The following LPGAT1 variants were observed in gnomAD, a reference collection of about 807,000 sequenced individuals.
LPGAT1 encodes the protein acyl-CoA:lysophosphatidylglycerol acyltransferase 1.
In LPGAT1, 11 loss-of-function variants were observed where a neutral mutation model predicts 47.5. That is an observed-to-expected ratio of 0.23 (90% CI 0.15 to 0.38). The LOEUF is 0.38. LPGAT1 is among the 10% of genes least tolerant of loss of function. The probability of loss-of-function intolerance (pLI) is 1.00; values close to 1 mark genes in which losing one functional copy is unlikely to be tolerated. For synonymous variants in LPGAT1, 138 were observed against 144.2 expected (o/e 0.96, Z 0.31); for missense variants, 293 against 439.0 (o/e 0.67, Z 2.97).
intron 2 of LPGAT1, among the ~76,000 whole-genome samples, chr1:211,816,475 A>G (rs1220559499): frequency 6.6e-6 from 1 of 152,194 alleles, no homozygotes; most frequent in Non-Finnish European, 1.5e-5. Flanking sequence ...ATTAGTTAAT[A>G]TTTTATTCAG....
In LPGAT1 at chr1:211,813,030, G is replaced by T. The variant is rs968568589; in HGVS notation, c.238+16029C>A. On this transcript the variant is annotated intron_variant, in intron 2 of 7. Transcript: ENST00000366997. ...TTACTTTCATCAGATTCTGAAAGAG[G>T]TTCTAATAAACCTCCAAAGGTAAAA... is the stretch of plus-strand genomic sequence containing the variant. 5.3e-5 allele frequency among the ~76,000 whole-genome samples: 8 copies of T among 152,158 alleles called. 1 individual carries two copies. The highest frequency in any genetic ancestry group is 1.2e-4 in the Non-Finnish European group (8 of 68,026).
At chr1:211,755,766 G>T (rs773733175) in intron 6 of LPGAT1, among the ~76,000 whole-genome samples, 20 of 150,724 alleles carry the variant, frequency 1.3e-4, no homozygotes, top group Admixed American at 5.9e-4. Context: ...AAGGATGAAA[G>T]ATAACCAAAA....
rs1471984512 is a variant in LPGAT1 at position 211,748,218 on chromosome 1, C to A, written c.*1681G>T. The A allele has an allele frequency of 1.3e-5, 2 of 152,602 alleles. No individual in the cohort carries two copies. The highest frequency in any genetic ancestry group is 3.8e-4 in the East Asian group (2 of 5,198). The allele number at this position is 152,602 out of a possible 1,614,324, so 9.5% of individuals were successfully genotyped here. A position where few individuals can be genotyped will look rare whatever the true frequency, so the allele number is the denominator to read the frequency against. ...ATCACAGTAAACTACCACTGACTTA[C>A]TAGGATCTTAATAGTCTTACAATCC... On this transcript the variant is annotated 3_prime_UTR_variant, in exon 8 of 8. Transcript: ENST00000366997.
At chr1:211,750,716 C>G (rs906431111) in intron 7 of LPGAT1, among the ~76,000 whole-genome samples, 1 of 152,110 alleles carries the variant, frequency 6.6e-6, no homozygotes, top group South Asian at 2.1e-4. Context: ...GAAAGGAATG[C>G]TAGATAACTT....
chr1:211,801,936 A>T (rs868546495), intron 2 of LPGAT1, among the ~76,000 whole-genome samples: 13 of 151,638 alleles, frequency 8.6e-5, no homozygotes, highest in East Asian at 7.8e-4. Context: ...ATTTTTTTTT[A>T]AATTAGCCAG....
intron 2 of LPGAT1, among the ~76,000 whole-genome samples, chr1:211,822,424 T>A (rs570483535): frequency 1.3e-5 from 2 of 152,304 alleles, no homozygotes; most frequent in East Asian, 3.9e-4. Flanking sequence ...CCTTTCATGA[T>A]ATATTTTCCA....
chr1:211,814,000 A>G (rs1458121682), intron 2 of LPGAT1, among the ~76,000 whole-genome samples: 1 of 152,270 alleles, frequency 6.6e-6, no homozygotes, highest in Non-Finnish European at 1.5e-5. Flanking sequence ...TTTAAGGTCA[A>G]AAAATGTGTC....
chr1:211,818,031 C>A (rs1169242341), intron 2 of LPGAT1, among the ~76,000 whole-genome samples: 1 of 152,020 alleles, frequency 6.6e-6, no homozygotes, highest in Non-Finnish European at 1.5e-5. Flanking sequence ...GACGGGTTTT[C>A]ACCATGTTGG....
chr1:211,757,965 C>T (rs954785833), intron 6 of LPGAT1, among the ~76,000 whole-genome samples: 3 of 152,132 alleles, frequency 2.0e-5, no homozygotes, highest in Admixed American at 6.5e-5. Context: ...ACTTCGCTTG[C>T]AGTATATATG....
chr1:211,819,429 G>C (rs1660288405), intron 2 of LPGAT1, among the ~76,000 whole-genome samples: 1 of 152,218 alleles, frequency 6.6e-6, no homozygotes, highest in African/African-American at 2.4e-5. Context: ...GAAGTTTCAG[G>C]CTGTAGTGAG....
intron 2 of LPGAT1, among the ~76,000 whole-genome samples, 151 bp downstream of exon 2, chr1:211,828,906 TTC>T (rs1660628001): frequency 6.6e-6 from 1 of 152,218 alleles, no homozygotes; most frequent in Admixed American, 6.5e-5. Flanking sequence ...CTTCCTGAGA[TTC>T]TGAAGAGAAA....
At chr1:211,801,555 A>T (rs1222078209) in intron 2 of LPGAT1, among the ~76,000 whole-genome samples, 4 of 152,034 alleles carry the variant, frequency 2.6e-5, no homozygotes, top group South Asian at 2.1e-4. Flanking sequence ...TACAAAAAAA[A>T]TTTTTAAAAG....
chr1:211,811,894 G>GTTAT (rs1421591567), intron 2 of LPGAT1, among the ~76,000 whole-genome samples: 1 of 152,216 alleles, frequency 6.6e-6, no homozygotes, highest in Non-Finnish European at 1.5e-5. Context: ...TATCCTGGAG[G>GTTAT]ATAAGAGCAT....
At chr1:211,788,214 T>G (rs561704102) in intron 3 of LPGAT1, among the ~76,000 whole-genome samples, 1 of 152,330 alleles carries the variant, frequency 6.6e-6, no homozygotes, top group African/African-American at 2.4e-5. Context: ...ATTAATAGAA[T>G]GATTTACATA....
intron 2 of LPGAT1, among the ~76,000 whole-genome samples, chr1:211,822,732 C>T (rs1006753606): frequency 1.3e-5 from 2 of 150,938 alleles, no homozygotes. Flanking sequence ...GGGCCAAGAT[C>T]GTGCCATTGC....
At chr1:211,829,436 TCCGGGTGTAGTA>T in intron 1 of LPGAT1, 113 bp from the exon 2 acceptor site, 7 of 1,482,112 alleles carry the variant, frequency 4.7e-6, no homozygotes, top group Non-Finnish European at 6.2e-6. Context: ...GTCGAAGCTT[TCCGGGTGTAGTA>T]CCTCGGTGAT....
chr1:211,787,763 G>C (rs1441127172), intron 3 of LPGAT1, 36 bp from the exon 4 acceptor site: 3 of 1,324,674 alleles, frequency 2.3e-6, no homozygotes, highest in Non-Finnish European at 3.2e-6. Context: ...ATATTGGATA[G>C]AAGAAACCTG....
rs1165010925 is a variant in LPGAT1 at position 211,827,354 on chromosome 1, T to C, written c.238+1705A>G. ...CCAAGAAAATATGCTGAAAAATACA[T>C]TGCAGCTATGCTATGGCCATAGGAC... is the stretch of plus-strand genomic sequence containing the variant. On this transcript the variant is annotated intron_variant, in intron 2 of 7. Transcript: ENST00000366997. Among the ~76,000 whole-genome samples the C allele has an allele frequency of 3.3e-5, 5 of 152,136 alleles. No homozygotes were observed. In the South Asian group the frequency reaches 6.2e-4, roughly 19 times the overall value.
At position 211,797,890 on chromosome 1, in the gene LPGAT1, T is replaced by C. The variant is rs376214814; in HGVS notation, c.239-4700A>G. On this transcript the variant is annotated intron_variant, in intron 2 of 7. Coordinates refer to ENST00000366997, the MANE Select transcript of LPGAT1 (RefSeq NM_014873.3). ...AAAAACTGGAGGAAAAATTTTCTAA[T>C]TGTAATAAATTTTAAAATTCTTATT... Among the ~76,000 whole-genome samples, 14 of 152,290 alleles carry C rather than the reference T, an allele frequency of 9.2e-5. No homozygotes were observed. In the East Asian group the frequency reaches 1.7e-3, roughly 19 times the overall value.
Sources: allele counts gnomAD v4.1 joint callset (sites outside exome capture counted in the v4.1 genomes callset), GRCh38; gene constraint gnomAD v4.1.1; transcripts MANE v1.5; gene names NCBI Gene and HGNC (gene_info 2026-07-23, HGNC 2026-07-21).